PIK3C2G: variants seen among roughly 807,000 people sequenced by gnomAD.
PIK3C2G encodes the protein phosphatidylinositol 3-kinase C2 domain-containing subunit gamma.
In PIK3C2G, 168 loss-of-function variants were observed where a neutral mutation model predicts 181.1. That is an observed-to-expected ratio of 0.93 (90% CI 0.82 to 1.05). The LOEUF is 1.05. PIK3C2G is among the 50% of genes least tolerant of loss of function. The pLI is 0.00. For missense variants in PIK3C2G, 1,869 were observed against 1,732.8 expected (o/e 1.08, Z -1.40); for synonymous variants, 573 against 592.2 (o/e 0.97, Z 0.47).
chr12:18,663,622 C>A, the PIK3C2G span, among the ~76,000 whole-genome samples: 1 of 151,424 alleles, frequency 6.6e-6, no homozygotes, highest in Admixed American at 6.6e-5. Flanking sequence ...CTAAACATAA[C>A]AGCAAAAACT....
intron 1 of PIK3C2G, among the ~76,000 whole-genome samples, chr12:18,255,260 C>T (rs952427442): frequency 2.4e-4 from 32 of 130,930 alleles, no homozygotes; most frequent in African/African-American, 3.4e-4. Flanking sequence ...AATAAACAAA[C>T]AAACAAACAA....
At chr12:18,710,462 C>A in the PIK3C2G span, among the ~76,000 whole-genome samples, 1 of 151,840 alleles carries the variant, frequency 6.6e-6, no homozygotes, top group Non-Finnish European at 1.5e-5. Context: ...AAAAACTGAC[C>A]ACTTATGGCC....
intron 18 of PIK3C2G, among the ~76,000 whole-genome samples, chr12:18,426,728 A>G (rs1219985546): frequency 6.6e-6 from 1 of 152,208 alleles, no homozygotes; most frequent in Non-Finnish European, 1.5e-5. Context: ...AAGAAATGTT[A>G]CTCATAATGA....
chr12:18,287,776 A>G (rs1353457845), intron 3 of PIK3C2G, among the ~76,000 whole-genome samples: 2 of 151,788 alleles, frequency 1.3e-5, no homozygotes, highest in Non-Finnish European at 2.9e-5. Context: ...AGGCAGGACA[A>G]CTGCTTGAAC....
chr12:18,576,212 T>C (rs940406013), intron 29 of PIK3C2G, among the ~76,000 whole-genome samples: 1 of 152,222 alleles, frequency 6.6e-6, no homozygotes, highest in Non-Finnish European at 1.5e-5. Flanking sequence ...TTCACTTCAG[T>C]GCATAATCCC....
rs931654330 is a variant in PIK3C2G at position 18,273,023 on chromosome 12, C to A, written c.-78-8981C>A. On this transcript the variant is annotated intron_variant, in intron 1 of 32. Coordinates refer to ENST00000538779, the MANE Select transcript of PIK3C2G (RefSeq NM_001288772.2). Reference sequence around the variant, plus strand: ...ACACACCCCCATCCATAGACACACACAAACACACACACACAGAGATAGAGA... The same window carrying A: ...ACACACCCCCATCCATAGACACACAAAAACACACACACACAGAGATAGAGA... Among the ~76,000 whole-genome samples, 4 of 145,826 alleles carry A rather than the reference C, an allele frequency of 2.7e-5. No individual in the cohort carries two copies. In the Admixed American group the frequency reaches 2.8e-4, roughly 10 times the overall value.
At chr12:18,420,889 T>A in intron 16 of PIK3C2G, 52 bp from the exon 17 acceptor site, 1 of 910,862 alleles carries the variant, frequency 1.1e-6, no homozygotes, top group South Asian at 1.3e-5. Flanking sequence ...ACATGTCTTA[T>A]GCATTATTCC....
At chr12:18,281,201 T>A (rs1226710563) in intron 1 of PIK3C2G, among the ~76,000 whole-genome samples, 2 of 120,932 alleles carry the variant, frequency 1.7e-5, no homozygotes, top group African/African-American at 6.6e-5. Flanking sequence ...TGAAATAATT[T>A]ACAATAAAAG....
rs745504110 is a variant in PIK3C2G at position 18,594,580 on chromosome 12, T to C, written c.4087+11T>C. 7 of 1,408,398 alleles carry C rather than the reference T, an allele frequency of 5.0e-6. No homozygotes were observed. Among genetic ancestry groups the C allele is most frequent in the African/African-American group, 3.0e-5 (2 of 67,382 alleles). The allele number at this position is 1,408,398 out of a possible 1,614,324, so 87.2% of individuals were successfully genotyped here. A position where few individuals can be genotyped will look rare whatever the true frequency, so the allele number is the denominator to read the frequency against. ...CACCTGTGTACCTAGGTAAGTAAAT[T>C]TGTCATTATATTACGTACAGTGATT... On this transcript the variant is annotated intron_variant, in intron 30 of 32. Coordinates refer to ENST00000538779, the MANE Select transcript of PIK3C2G (RefSeq NM_001288772.2).
chr12:18,512,924 A>G (rs1942304987), intron 24 of PIK3C2G, among the ~76,000 whole-genome samples: 1 of 151,868 alleles, frequency 6.6e-6, no homozygotes. Context: ...AAAATTAGCT[A>G]TGAGTTTGTC....
intron 1 of PIK3C2G, among the ~76,000 whole-genome samples, chr12:18,274,528 T>C (rs574043816): frequency 6.6e-6 from 1 of 152,064 alleles, no homozygotes; most frequent in Admixed American, 6.5e-5. Flanking sequence ...CTGGAAACCA[T>C]CATTCTCAGC....
At chr12:18,490,901 C>T (rs537946575) in intron 19 of PIK3C2G, among the ~76,000 whole-genome samples, 1 of 152,228 alleles carries the variant, frequency 6.6e-6, no homozygotes, top group Admixed American at 6.5e-5. Context: ...GAGTAAATAA[C>T]AGAAATATAC....
At chr12:18,544,918 A>G (rs1285288871) in intron 25 of PIK3C2G, among the ~76,000 whole-genome samples, 1 of 151,886 alleles carries the variant, frequency 6.6e-6, no homozygotes, top group African/African-American at 2.4e-5. Flanking sequence ...CATTTATTTA[A>G]AATCCAATGA....
chr12:18,303,517 T>G (rs767017257), intron 5 of PIK3C2G, among the ~76,000 whole-genome samples: 39 of 152,172 alleles, frequency 2.6e-4, no homozygotes, highest in Non-Finnish European at 5.0e-4. Context: ...GAATTTTTAG[T>G]GGAGACAGGT....
chr12:18,622,278 A>C (rs1948895674), intron 31 of PIK3C2G, among the ~76,000 whole-genome samples: 1 of 151,850 alleles, frequency 6.6e-6, no homozygotes, highest in African/African-American at 2.4e-5. Flanking sequence ...CAATTGTTTT[A>C]GATTCCACAT....
intron 29 of PIK3C2G, among the ~76,000 whole-genome samples, chr12:18,578,447 T>G (rs1946336881): frequency 6.6e-6 from 1 of 152,204 alleles, no homozygotes; most frequent in South Asian, 2.1e-4. Flanking sequence ...TAATCACTCA[T>G]GCTCTCTGTG....
chr12:18,505,756 C>A (rs1483574710), intron 24 of PIK3C2G, among the ~76,000 whole-genome samples: 2 of 152,102 alleles, frequency 1.3e-5, no homozygotes, highest in Admixed American at 6.5e-5. Flanking sequence ...TCCTTATGAA[C>A]CTTGAATGGA....
intron 4 of PIK3C2G, among the ~76,000 whole-genome samples, chr12:18,293,167 G>A (rs1949785788): frequency 6.6e-6 from 1 of 151,868 alleles, no homozygotes; most frequent in East Asian, 1.9e-4. Flanking sequence ...TAAATTTACT[G>A]GCCACGTTTG....
At chr12:18,723,517 C>A in the PIK3C2G span, 1 of 1,612,418 alleles carries the variant, frequency 6.2e-7, no homozygotes, top group South Asian at 1.1e-5. Flanking sequence ...TATGGTGATT[C>A]TTCCTTGTTT....
Sources: gnomAD v4.1 joint callset for allele counts (sites outside exome capture counted in the v4.1 genomes callset) on GRCh38, gnomAD v4.1.1 for gene constraint, MANE v1.5 for transcripts, NCBI Gene and HGNC (gene_info 2026-07-23, HGNC 2026-07-21) for gene names.